Variants in LDB2 observed in about 807,000 individuals in gnomAD.
LDB2 encodes the protein LIM domain binding 2.
LDB2 carries 12 observed loss-of-function variants against 44.3 expected under a neutral mutation model. The observed-to-expected ratio is 0.27, with a 90% confidence interval of 0.17 to 0.44. The LOEUF (loss-of-function observed/expected upper bound fraction) is 0.44, where lower values mean the gene tolerates loss of function less well. Among genes scored for constraint, LDB2 ranks in the 20% least tolerant of loss-of-function variants. LDB2 has a pLI of 1.00. For synonymous variants in LDB2, 164 were observed against 174.8 expected (o/e 0.94, Z 0.49); for missense variants, 344 against 473.5 (o/e 0.73, Z 2.54).
At chr4:16,560,409 C>A (rs1184292419) in intron 5 of LDB2, among the ~76,000 whole-genome samples, 1 of 152,110 alleles carries the variant, frequency 6.6e-6, no homozygotes, top group East Asian at 1.9e-4. Flanking sequence ...CACAGAAATA[C>A]AAACTACCAT....
At chr4:16,892,145 T>C (rs1195967723) in intron 1 of LDB2, among the ~76,000 whole-genome samples, 1 of 152,222 alleles carries the variant, frequency 6.6e-6, no homozygotes, top group African/African-American at 2.4e-5. Context: ...GAAAGGTGTA[T>C]ATACCTTTCA....
At chr4:16,563,507 G>GAT (rs767550564) in intron 5 of LDB2, among the ~76,000 whole-genome samples, 21,771 of 133,420 alleles carry the variant, frequency 0.16, 2,487 homozygotes, top group East Asian at 0.58. Context: ...GGAGTGCAGT[G>GAT]GCACGATCTC....
At chr4:16,760,030 G>A (rs1210726562) in intron 1 of LDB2, among the ~76,000 whole-genome samples, 1 of 152,192 alleles carries the variant, frequency 6.6e-6, no homozygotes, top group Non-Finnish European at 1.5e-5. Flanking sequence ...AAGGGGAGAA[G>A]AAGGCCCCTC....
chr4:16,648,816 G>A (rs1053930285), intron 2 of LDB2, among the ~76,000 whole-genome samples: 3 of 151,896 alleles, frequency 2.0e-5, no homozygotes. Context: ...CATGGCTAGA[G>A]CAATTTCATT....
intron 1 of LDB2, among the ~76,000 whole-genome samples, chr4:16,848,904 T>C (rs1292197785): frequency 6.6e-6 from 1 of 152,172 alleles, no homozygotes; most frequent in Non-Finnish European, 1.5e-5. Flanking sequence ...TTTCCAGTAA[T>C]GCACTCTCTG....
intron 2 of LDB2, among the ~76,000 whole-genome samples, chr4:16,742,523 C>T (rs141235401): frequency 4.6e-5 from 7 of 152,268 alleles, no homozygotes; most frequent in African/African-American, 7.2e-5. Context: ...ACAGAAGCCC[C>T]TAAGTTTGGA....
rs141871227 is a variant in LDB2 at position 16,746,967 on chromosome 4, A to C, written c.235+12191T>G. Among the ~76,000 whole-genome samples, 496 of 152,368 alleles carry C rather than the reference A, an allele frequency of 3.3e-3. 2 individuals carry two copies. Among genetic ancestry groups the C allele is most frequent in the African/African-American group, 0.011 (455 of 41,588 alleles). On this transcript the variant is annotated intron_variant, in intron 2 of 7. Transcript: ENST00000304523. ...ACTAGAAATAGAAGGAACACAATGG[A>C]AACACCAGCTGTCGGAAGCTGCAGC...
chr4:16,872,118 G>A (rs144486273), intron 1 of LDB2, among the ~76,000 whole-genome samples: 99 of 151,734 alleles, frequency 6.5e-4, no homozygotes, highest in African/African-American at 1.7e-3. Context: ...TATAATAAGC[G>A]TATGTATGTA....
chr4:16,730,315 T>C (rs1440097369), intron 2 of LDB2, among the ~76,000 whole-genome samples: 1 of 152,138 alleles, frequency 6.6e-6, no homozygotes, highest in African/African-American at 2.4e-5. Flanking sequence ...TTCACGGTCA[T>C]TATCATAGTT....
intron 5 of LDB2, among the ~76,000 whole-genome samples, chr4:16,551,543 A>C (rs990247595): frequency 1.3e-4 from 20 of 152,136 alleles, no homozygotes; most frequent in African/African-American, 4.6e-4. Context: ...TTTGAGACGG[A>C]GTCTCACTCT....
intron 2 of LDB2, among the ~76,000 whole-genome samples, chr4:16,610,319 G>A (rs751054522): frequency 3.3e-5 from 5 of 152,006 alleles, no homozygotes; most frequent in Non-Finnish European, 7.4e-5. Flanking sequence ...CCAAATGATC[G>A]CAACATCTCT....
chr4:16,566,489 TTCCTC>T (rs1374642402), intron 5 of LDB2, among the ~76,000 whole-genome samples: 1 of 152,112 alleles, frequency 6.6e-6, no homozygotes, highest in East Asian at 1.9e-4. Flanking sequence ...ACTAAACAGT[TTCCTC>T]TCATTTTGTA....
intron 2 of LDB2, among the ~76,000 whole-genome samples, chr4:16,678,365 T>C (rs945397534): frequency 1.3e-5 from 2 of 152,234 alleles, no homozygotes; most frequent in African/African-American, 4.8e-5. Context: ...TGACATACAT[T>C]AGACTGGACA....
intron 2 of LDB2, among the ~76,000 whole-genome samples, chr4:16,659,671 G>GTGTGTGTATATATATATATATA (rs1315288524): frequency 8.6e-4 from 115 of 133,530 alleles, no homozygotes; most frequent in South Asian, 3.5e-3. Context: ...ATCTATGTGT[G>GTGTGTGTATATATATATATATA]TATATATATA....
intron 1 of LDB2, among the ~76,000 whole-genome samples, chr4:16,863,654 C>CTCT (rs1450692955): frequency 1.0e-5 from 1 of 99,878 alleles, no homozygotes; most frequent in Admixed American, 1.1e-4. Context: ...GACTCACATT[C>CTCT]TCTTTTTTTT....
chr4:16,850,769 T>C (rs1788063462), intron 1 of LDB2, among the ~76,000 whole-genome samples: 5 of 152,042 alleles, frequency 3.3e-5, no homozygotes, highest in Admixed American at 2.6e-4. Context: ...ACATGAGACA[T>C]AGGAAAAGAA....
chr4:16,792,773 A>G (rs866803858), intron 1 of LDB2, among the ~76,000 whole-genome samples: 16 of 152,358 alleles, frequency 1.1e-4, no homozygotes, highest in Middle Eastern at 3.4e-3. Context: ...ACTTACAGGC[A>G]GGAATTATGA....
At chr4:16,662,604 A>G (rs1741895476) in intron 2 of LDB2, among the ~76,000 whole-genome samples, 1 of 151,666 alleles carries the variant, frequency 6.6e-6, no homozygotes, top group Admixed American at 6.6e-5. Context: ...CATGGGAGGG[A>G]CCCAGTGGGA....
rs367619914 is a variant in LDB2 at position 16,588,665 on chromosome 4, AG to A, written c.531+44del. 5.0e-6 allele frequency: 8 copies of A among 1,598,024 alleles called. No individual in the cohort carries two copies. In the African/African-American group the frequency reaches 6.7e-5, roughly 13 times the overall value. On this transcript the variant is annotated intron_variant, in intron 4 of 7. Transcript: ENST00000304523. The stretch of plus-strand genomic sequence containing the variant: ...TTTTTCCCCTTGAGTGAAATGAAGG[AG>A]GAAAAAAAAGAAAAGAAAGCAAAAC...
Sources: gnomAD v4.1 joint callset for allele counts (sites outside exome capture counted in the v4.1 genomes callset) on GRCh38, gnomAD v4.1.1 for gene constraint, MANE v1.5 for transcripts, NCBI Gene and HGNC (gene_info 2026-07-23, HGNC 2026-07-21) for gene names.